DCT: variants seen among roughly 807,000 people sequenced by gnomAD.
DCT encodes dopachrome tautomerase.
DCT carries 47 observed loss-of-function variants against 53.0 expected under a neutral mutation model. That is an observed-to-expected ratio of 0.89 (90% CI 0.70 to 1.13). The LOEUF is 1.13. Among genes scored for constraint, DCT ranks in the 50% most tolerant of loss-of-function variants. DCT has a pLI of 0.00. For synonymous variants in DCT, 244 were observed against 237.0 expected (o/e 1.03, Z -0.27); for missense variants, 669 against 637.4 (o/e 1.05, Z -0.53).
chr13:94,455,683 T>C (rs1883368385), intron 6 of DCT, among the ~76,000 whole-genome samples: 1 of 152,164 alleles, frequency 6.6e-6, no homozygotes, highest in African/African-American at 2.4e-5. Flanking sequence ...ATGTTGCCAA[T>C]TTCTGTCCAC....
chr13:94,488,670 G>A, the DCT span, among the ~76,000 whole-genome samples: 5 of 151,504 alleles, frequency 3.3e-5, no homozygotes, highest in East Asian at 5.8e-4. Context: ...AGCTGAGATC[G>A]CATCACTGGA....
Position 94,468,989 on chromosome 13 carries a change from A to C in DCT, c.352T>G (p.Cys118Gly). 6.2e-7 allele frequency: 1 copy of C among 1,614,192 alleles called. No individual in the cohort carries two copies. Among genetic ancestry groups the C allele is most frequent in the East Asian group, 2.2e-5 (1 of 44,882 alleles). Residue 118 changes from cysteine (C) to glycine (G), a missense_variant, in exon 2 of 8, where the codon TGC (cysteine) becomes GGC (glycine). Transcript: ENST00000377028. Reference protein sequence around the residue: ...DCKFGWTGPNCERKKPPVIRQ... With the variant: ...DCKFGWTGPNGERKKPPVIRQ... ...ATCACTGGTGGTTTCTTCCGCTCGC[A>C]GTTGGGACCGGTCCAGCCAAACTTG... is the stretch of plus-strand genomic sequence containing the variant.
chr13:94,467,463 A>G (rs997457834), intron 2 of DCT: 6 of 152,238 alleles, frequency 3.9e-5, no homozygotes, highest in Non-Finnish European at 8.8e-5. Flanking sequence ...ATGACCAGAA[A>G]CTAGGACTTT....
chr13:94,469,872 C>T (rs1382467710), intron 1 of DCT, among the ~76,000 whole-genome samples: 1 of 152,074 alleles, frequency 6.6e-6, no homozygotes, highest in African/African-American at 2.4e-5. Context: ...GTCTGGAGTT[C>T]GAGACCAGAC....
chr13:94,529,296 A>G, the DCT span, among the ~76,000 whole-genome samples: 61,395 of 151,984 alleles, frequency 0.4, 13,133 homozygotes, highest in East Asian at 0.62. Flanking sequence ...GGACCTAATA[A>G]ACATCTACAG....
intron 3 of DCT, among the ~76,000 whole-genome samples, 164 bp downstream of exon 3, chr13:94,466,394 A>C (rs988744352): frequency 6.6e-6 from 1 of 152,052 alleles, no homozygotes; most frequent in Non-Finnish European, 1.5e-5. Context: ...ACAAAAAGAG[A>C]TATCTCTATG....
chr13:94,517,612 T>C, the DCT span, among the ~76,000 whole-genome samples: 59 of 152,344 alleles, frequency 3.9e-4, no homozygotes, highest in Middle Eastern at 0.017. Flanking sequence ...AGACTTTGAA[T>C]ATTCAATTAA....
At chr13:94,526,414 T>C in the DCT span, among the ~76,000 whole-genome samples, 11 of 151,980 alleles carry the variant, frequency 7.2e-5, no homozygotes, top group African/African-American at 2.7e-4. Context: ...GGTGAAAGGA[T>C]CGCTTGAGCC....
the DCT span, among the ~76,000 whole-genome samples, chr13:94,500,159 C>T: frequency 6.6e-6 from 1 of 152,152 alleles, no homozygotes; most frequent in Non-Finnish European, 1.5e-5. Context: ...CAACATCTCC[C>T]CATTTCCCTC....
the DCT span, among the ~76,000 whole-genome samples, chr13:94,529,685 G>C: frequency 6.6e-6 from 1 of 152,012 alleles, no homozygotes. Context: ...ACAAGAGAAA[G>C]CAGGAAATAT....
At chr13:94,510,134 T>C in the DCT span, among the ~76,000 whole-genome samples, 1 of 152,190 alleles carries the variant, frequency 6.6e-6, no homozygotes, top group African/African-American at 2.4e-5. Flanking sequence ...TTTTCCAGTT[T>C]CTCTTTCTAC....
chr13:94,451,853 T>G (rs1478091213), intron 6 of DCT, among the ~76,000 whole-genome samples: 1 of 152,184 alleles, frequency 6.6e-6, no homozygotes, highest in African/African-American at 2.4e-5. Flanking sequence ...AAGAAAATGT[T>G]GTATTTTGTT....
chr13:94,484,525 G>A (rs1486007460), upstream of DCT, among the ~76,000 whole-genome samples: 1 of 152,200 alleles, frequency 6.6e-6, no homozygotes, highest in African/African-American at 2.4e-5. Context: ...ATGCCATAGA[G>A]TAGATGGCTT....
At chr13:94,526,253 T>C in the DCT span, among the ~76,000 whole-genome samples, 1 of 152,236 alleles carries the variant, frequency 6.6e-6, no homozygotes, top group African/African-American at 2.4e-5. Flanking sequence ...TGGGATGCCC[T>C]GGAGCTGCAG....
At chr13:94,503,273 A>T in the DCT span, among the ~76,000 whole-genome samples, 1 of 151,900 alleles carries the variant, frequency 6.6e-6, no homozygotes, top group South Asian at 2.1e-4. Context: ...CCAGCTACTC[A>T]GGAAGCTGAG....
chr13:94,525,917 GT>G, the DCT span, among the ~76,000 whole-genome samples: 16 of 152,212 alleles, frequency 1.1e-4, no homozygotes, highest in Admixed American at 5.2e-4. Context: ...CAAATGTTTG[GT>G]TTGGCTGCAT....
chr13:94,548,341 A>C, the DCT span, among the ~76,000 whole-genome samples: 1 of 152,048 alleles, frequency 6.6e-6, no homozygotes, highest in Non-Finnish European at 1.5e-5. Context: ...TGAATAAGAG[A>C]GAACACACAG....
the DCT span, among the ~76,000 whole-genome samples, chr13:94,547,411 C>A: frequency 2.0e-5 from 3 of 152,064 alleles, no homozygotes; most frequent in Non-Finnish European, 4.4e-5. Flanking sequence ...GCCACCGTGC[C>A]TGACCCTGCT....
At chr13:94,478,589 CAAGTGCA>C (rs1885256452) in intron 1 of DCT, among the ~76,000 whole-genome samples, 1 of 152,240 alleles carries the variant, frequency 6.6e-6, no homozygotes, top group Non-Finnish European at 1.5e-5. Flanking sequence ...CCCTTTTCAA[CAAGTGCA>C]AACCCATTTC....
Sources: allele counts gnomAD v4.1 joint callset (sites outside exome capture counted in the v4.1 genomes callset), GRCh38; gene constraint gnomAD v4.1.1; transcripts MANE v1.5; gene names NCBI Gene and HGNC (gene_info 2026-07-23, HGNC 2026-07-21).